The following SH2D4A variants were observed in gnomAD, a reference collection of about 807,000 sequenced individuals.
The protein encoded by SH2D4A is SH2 domain-containing protein 4A.
In SH2D4A, 70 loss-of-function variants were observed where a neutral mutation model predicts 64.7. That is an observed-to-expected ratio of 1.08 (90% confidence interval 0.89 to 1.32). The LOEUF (loss-of-function observed/expected upper bound fraction) is 1.32, where lower values mean the gene tolerates loss of function less well. Among genes scored for constraint, SH2D4A ranks in the 40% most tolerant of loss-of-function variants. The pLI is 0.00. For synonymous variants in SH2D4A, 268 were observed against 200.7 expected (o/e 1.34, Z -2.83); for missense variants, 706 against 540.1 (o/e 1.31, Z -3.04).
In SH2D4A at chr8:19,333,319, T is replaced by A. The variant is rs187094642; in HGVS notation, c.341+205T>A. On this transcript the variant is annotated intron_variant, in intron 3 of 9. Transcript: ENST00000265807. The stretch of plus-strand genomic sequence containing the variant: ...ATCTCTTTAGAAGGTTGATTTAGAC[T>A]TTTGATCTAAAGTCTTTGATAGCAC... Among the ~76,000 whole-genome samples, 27 of 152,278 alleles carry A rather than the reference T, an allele frequency of 1.8e-4. No individual in the cohort carries two copies. In the East Asian group the frequency reaches 5.2e-3, roughly 29 times the overall value.
At chr8:19,372,265 C>T (rs2053114837) in intron 7 of SH2D4A, among the ~76,000 whole-genome samples, 1 of 152,162 alleles carries the variant, frequency 6.6e-6, no homozygotes, top group Non-Finnish European at 1.5e-5. Context: ...CTAGAGGGCG[C>T]TCCAAGTCCA....
chr8:19,342,774 C>T (rs2052548966), intron 4 of SH2D4A, among the ~76,000 whole-genome samples: 1 of 152,128 alleles, frequency 6.6e-6, no homozygotes. Context: ...CTTTTCCCCT[C>T]CACTAGCAGT....
chr8:19,329,031 G>T (rs147126102), intron 2 of SH2D4A, among the ~76,000 whole-genome samples: 1 of 152,150 alleles, frequency 6.6e-6, no homozygotes, highest in Non-Finnish European at 1.5e-5. Context: ...TGCCACACAC[G>T]TGCAGGTGAC....
chr8:19,335,736 T>G (rs956909605), intron 4 of SH2D4A, among the ~76,000 whole-genome samples: 2 of 152,240 alleles, frequency 1.3e-5, no homozygotes, highest in Admixed American at 1.3e-4. Flanking sequence ...TGCCTGTGAC[T>G]TGGGGACAGT....
At chr8:19,318,277 T>G (rs1034499067) in intron 1 of SH2D4A, among the ~76,000 whole-genome samples, 2 of 152,150 alleles carry the variant, frequency 1.3e-5, no homozygotes, top group Non-Finnish European at 2.9e-5. Flanking sequence ...TCTTATTACA[T>G]CGAATCCAAA....
chr8:19,352,605 G>T (rs2052722427), intron 4 of SH2D4A, among the ~76,000 whole-genome samples: 1 of 152,238 alleles, frequency 6.6e-6, no homozygotes, highest in Admixed American at 6.5e-5. Flanking sequence ...CGTAGTGGCT[G>T]TTATGCGTAA....
Position 19,330,732 on chromosome 8 carries a change from A to G in SH2D4A, c.182-2223A>G, listed in dbSNP as rs929866653. 1.0e-3 allele frequency among the ~76,000 whole-genome samples: 156 copies of G among 152,164 alleles called. 2 individuals are homozygous for G. The highest frequency in any genetic ancestry group is 3.6e-3 in the African/African-American group (151 of 41,524). On this transcript the variant is annotated intron_variant, in intron 2 of 9. Transcript: ENST00000265807. ...CTTTTTCTTCCCCTGGCACAGTGCC[A>G]CTTGCCATCTTTCTGGGCATCTTCC... is the stretch of plus-strand genomic sequence containing the variant.
rs758309610 is a variant in SH2D4A, at chr8:19,394,588, C to G, written c.1311C>G (p.Leu437=). The G allele has an allele frequency of 6.2e-7, 1 of 1,608,290 alleles. No individual in the cohort carries two copies. The highest frequency in any genetic ancestry group is 8.5e-7 in the Non-Finnish European group (1 of 1,176,926). The part of the protein sequence containing the change: ...PITSLGKELL[L]YPCGQQDQLP... Reference sequence around the variant, plus strand: ...CTTCCCTGGGGAAGGAGCTCCTTCTCTATCCCTGTGGTCAGCAGGACCAGC... The same window carrying G: ...CTTCCCTGGGGAAGGAGCTCCTTCTGTATCCCTGTGGTCAGCAGGACCAGC... Residue 437 remains leucine (L), a synonymous_variant, in exon 10 of 10, where the codon CTC becomes CTG. Transcript: ENST00000265807.
intron 3 of SH2D4A, 39 bp from the exon 4 acceptor site, chr8:19,334,647 A>T (rs1203717169): frequency 1.9e-6 from 3 of 1,560,920 alleles, no homozygotes; most frequent in Non-Finnish European, 2.6e-6. Context: ...TTCCTGTTGA[A>T]GAATGTTTTT....
chr8:19,328,459 C>T (rs1000173581), intron 2 of SH2D4A, among the ~76,000 whole-genome samples: 2 of 152,102 alleles, frequency 1.3e-5, no homozygotes, highest in Admixed American at 6.5e-5. Context: ...ATTCTGGCAT[C>T]ATCTTTGAGT....
intron 8 of SH2D4A, among the ~76,000 whole-genome samples, chr8:19,374,973 G>GT (rs1165095363): frequency 6.6e-6 from 1 of 152,102 alleles, no homozygotes; most frequent in Non-Finnish European, 1.5e-5. Flanking sequence ...AAGAAGGGTA[G>GT]TTTTTTTAAC....
chr8:19,392,842 C>T (rs1483718250), intron 8 of SH2D4A, among the ~76,000 whole-genome samples: 12 of 151,932 alleles, frequency 7.9e-5, no homozygotes, highest in African/African-American at 2.7e-4. Context: ...CCTGGGTTCA[C>T]ACCATTCTCC....
Position 19,328,487 on chromosome 8 carries a change from G to A in SH2D4A, c.182-4468G>A, listed in dbSNP as rs143353624. Among the ~76,000 whole-genome samples, 161 of 152,120 alleles carry A rather than the reference G, an allele frequency of 1.1e-3. 2 individuals carry two copies. The Middle Eastern group carries it at 0.024, about 22-fold the overall frequency. Reference sequence around the variant, plus strand: ...CTTTGAGTCCTTCCTTAAATCCAGTGGCCTGAACCTTCCTAAATTCTTGAA... The same window carrying A: ...CTTTGAGTCCTTCCTTAAATCCAGTAGCCTGAACCTTCCTAAATTCTTGAA... On this transcript the variant is annotated intron_variant, in intron 2 of 9. Coordinates refer to ENST00000265807, the MANE Select transcript of SH2D4A (RefSeq NM_022071.4).
At chr8:19,392,730 T>A (rs1284555687) in intron 8 of SH2D4A, among the ~76,000 whole-genome samples, 2 of 151,906 alleles carry the variant, frequency 1.3e-5, no homozygotes, top group Admixed American at 1.3e-4. Context: ...TAGAAATATA[T>A]TCCTTTTTTT....
chr8:19,359,301 C>T (rs2052842143), intron 5 of SH2D4A, among the ~76,000 whole-genome samples: 1 of 152,108 alleles, frequency 6.6e-6, no homozygotes, highest in Non-Finnish European at 1.5e-5. Context: ...TTAAATATAG[C>T]TCTGTTAGAC....
chr8:19,368,719 A>G (rs1302649546), intron 7 of SH2D4A, among the ~76,000 whole-genome samples: 1 of 150,958 alleles, frequency 6.6e-6, no homozygotes, highest in Non-Finnish European at 1.5e-5. Flanking sequence ...TTTTATCAGG[A>G]CTAAGAGTTT....
chr8:19,362,740 A>AAAAAC lies in SH2D4A; in HGVS notation c.707-1312_707-1308dup, dbSNP rs888781113. On this transcript the variant is annotated intron_variant, in intron 6 of 9. Transcript: ENST00000265807. The stretch of plus-strand genomic sequence containing the variant: ...GGGCAATGTAGCAAGACTGAGTCTC[A>AAAAAC]AAAACAAAACAAAACAAAACAAAAA... Among the ~76,000 whole-genome samples, 61 of 152,174 alleles carry AAAAAC rather than the reference A, an allele frequency of 4.0e-4. 1 individual carries two copies. Among genetic ancestry groups the AAAAAC allele is most frequent in the Admixed American group, 3.4e-3 (52 of 15,262 alleles).
At chr8:19,362,958 C>G (rs553961592) in intron 6 of SH2D4A, among the ~76,000 whole-genome samples, 3 of 152,134 alleles carry the variant, frequency 2.0e-5, no homozygotes, top group Non-Finnish European at 4.4e-5. Flanking sequence ...TGACTCATCC[C>G]AGAGCAACTT....
intron 2 of SH2D4A, among the ~76,000 whole-genome samples, chr8:19,327,860 C>A (rs556069711): frequency 6.6e-6 from 1 of 152,280 alleles, no homozygotes; most frequent in South Asian, 2.1e-4. Context: ...CCTTCCATCC[C>A]GCCTTTGTAG....
Sources: gnomAD v4.1 joint callset for allele counts (sites outside exome capture counted in the v4.1 genomes callset) on GRCh38, gnomAD v4.1.1 for gene constraint, MANE v1.5 for transcripts, NCBI Gene and HGNC (gene_info 2026-07-23, HGNC 2026-07-21) for gene names.